Variants in SH3PXD2B observed in about 807,000 individuals in gnomAD.
SH3PXD2B encodes SH3 and PX domain-containing protein 2B.
SH3PXD2B carries 37 observed loss-of-function variants against 73.1 expected under a neutral mutation model. That is an observed-to-expected ratio of 0.51 (90% CI 0.39 to 0.67). The LOEUF (loss-of-function observed/expected upper bound fraction) is 0.67, where lower values mean the gene tolerates loss of function less well. Among genes scored for constraint, SH3PXD2B ranks in the 30% least tolerant of loss-of-function variants. The pLI, the probability that SH3PXD2B is intolerant of heterozygous loss-of-function variation, is 0.00. For synonymous variants in SH3PXD2B, 457 were observed against 480.5 expected (o/e 0.95, Z 0.64); for missense variants, 1,053 against 1,197.8 (o/e 0.88, Z 1.78).
At chr5:172,435,554 G>C (rs1235817547) in intron 1 of SH3PXD2B, among the ~76,000 whole-genome samples, 1 of 151,872 alleles carries the variant, frequency 6.6e-6, no homozygotes, top group Non-Finnish European at 1.5e-5. Context: ...TCCTGAGTAG[G>C]TGGAATTACA....
rs1236831708 is a variant in SH3PXD2B at position 172,348,634 on chromosome 5, CTATG to C, written c.1013-1306_1013-1303del. Among the ~76,000 whole-genome samples, 511 of 67,554 alleles carry C rather than the reference CTATG, an allele frequency of 7.6e-3. 4 individuals are homozygous for C. Among genetic ancestry groups the C allele is most frequent in the East Asian group, 0.027 (61 of 2,290 alleles). 44.3% of individuals were successfully genotyped at this position (67,554 alleles called of 152,430 possible). ...CATCTGAATCTATCTATGTATCTAT[CTATG>C]TATCTATCTATCTATCCTATCTATC... On this transcript the variant is annotated intron_variant, in intron 10 of 12. Coordinates refer to ENST00000311601, the MANE Select transcript of SH3PXD2B (RefSeq NM_001017995.3).
At chr5:172,375,530 G>A (rs941078074) in intron 5 of SH3PXD2B, among the ~76,000 whole-genome samples, 5 of 152,104 alleles carry the variant, frequency 3.3e-5, no homozygotes, top group African/African-American at 1.2e-4. Flanking sequence ...TCCAGGCCTT[G>A]GCAACCACAA....
chr5:172,371,184 G>A (rs374167368), intron 6 of SH3PXD2B, among the ~76,000 whole-genome samples: 1 of 152,068 alleles, frequency 6.6e-6, no homozygotes, highest in East Asian at 1.9e-4. Flanking sequence ...AGGGTAAAGG[G>A]GATTTTCCTT....
At chr5:172,386,080 A>G (rs981152503) in intron 4 of SH3PXD2B, among the ~76,000 whole-genome samples, 1 of 152,172 alleles carries the variant, frequency 6.6e-6, no homozygotes, top group Non-Finnish European at 1.5e-5. Context: ...AGAGGGTAAC[A>G]ATAAAGGTCA....
At position 172,337,672 on chromosome 5, in the gene SH3PXD2B, CG is replaced by C. The variant is rs1756736291; in HGVS notation, c.*696del. On this transcript the variant is annotated 3_prime_UTR_variant, in exon 13 of 13. Coordinates refer to ENST00000311601, the MANE Select transcript of SH3PXD2B (RefSeq NM_001017995.3). The stretch of plus-strand genomic sequence containing the variant: ...CTGCAGCAGCAAAGCGCAGCATACG[CG>C]GGGCTGGAACCACCCTTCAGGGCTG... 1.0e-6 allele frequency: 1 copy of C among 987,312 alleles called. No individual in the cohort carries two copies. The highest frequency in any genetic ancestry group is 4.7e-5 in the South Asian group (1 of 21,380). 61.2% of individuals were successfully genotyped at this position (987,312 alleles called of 1,614,324 possible). A position where few individuals can be genotyped will look rare whatever the true frequency, so the allele number is the denominator to read the frequency against.
chr5:172,417,713 T>C (rs992007650), intron 2 of SH3PXD2B, among the ~76,000 whole-genome samples: 3 of 152,174 alleles, frequency 2.0e-5, no homozygotes, highest in Admixed American at 2.0e-4. Context: ...CCCATGCCCA[T>C]CAATAATCCT....
chr5:172,356,236 A>C (rs1287745411), intron 8 of SH3PXD2B, among the ~76,000 whole-genome samples: 2 of 152,172 alleles, frequency 1.3e-5, no homozygotes, highest in Admixed American at 1.3e-4. Context: ...TCATGAGAGA[A>C]TGGTGCCAAC....
Position 172,354,059 on chromosome 5 carries a change from T to G in SH3PXD2B, c.668-54A>C. On this transcript the variant is annotated intron_variant, in intron 8 of 12. Transcript: ENST00000311601. ...GAAGAGGACACCAAGAGGCTTGGGATGCCGTAATCCCCGTGATGCCCTTGC... is the reference window on the plus strand; with the variant it reads ...GAAGAGGACACCAAGAGGCTTGGGAGGCCGTAATCCCCGTGATGCCCTTGC... 4.6e-6 allele frequency: 7 copies of G among 1,518,794 alleles called. No individual in the cohort carries two copies. The South Asian group carries it at 7.9e-5, about 17-fold the overall frequency. The allele number at this position is 1,518,794 out of a possible 1,614,324, so 94.1% of individuals were successfully genotyped here.
At chr5:172,426,391 C>T (rs1759097205) in intron 1 of SH3PXD2B, among the ~76,000 whole-genome samples, 1 of 152,192 alleles carries the variant, frequency 6.6e-6, no homozygotes, top group African/African-American at 2.4e-5. Context: ...ACCCTTCTCT[C>T]TAAAACAAGG....
At position 172,346,185 on chromosome 5, in the gene SH3PXD2B, T is replaced by G; in HGVS notation, c.1139A>C (p.Gln380Pro). ...GCTGATGCCGTCTGGGATGGTTGTCTGGAATTCGGCGATGGTGTAATACTC... is the reference window on the plus strand; with the variant it reads ...GCTGATGCCGTCTGGGATGGTTGTCGGGAATTCGGCGATGGTGTAATACTC... ...EEEYYTIAEF[Q>P]TTIPDGISFQ... Residue 380 changes from glutamine (Q) to proline (P), a missense_variant, in exon 12 of 13, where the codon CAG becomes CCG. By Grantham distance (76) the Gln-to-Pro change is moderately conservative (BLOSUM62 -1). This residue lies in a region of SH3PXD2B where 466 missense variants were observed against 607.1 expected (regional missense o/e 0.77). Transcript: ENST00000311601. The G allele has an allele frequency of 3.1e-6, 5 of 1,614,154 alleles. No individual in the cohort carries two copies. The highest frequency in any genetic ancestry group is 4.2e-6 in the Non-Finnish European group (5 of 1,180,022).
intron 5 of SH3PXD2B, among the ~76,000 whole-genome samples, chr5:172,374,888 C>T (rs1757790226): frequency 6.6e-6 from 1 of 152,136 alleles, no homozygotes; most frequent in African/African-American, 2.4e-5. Flanking sequence ...TTCACTCATT[C>T]AATACTCACA....
In SH3PXD2B at chr5:172,362,765, C is replaced by G; in HGVS notation, c.532G>C (p.Val178Leu). ...TCATTCTTCTCGATGATGTCCACCACCTGCCCCACGCTGAGGCTGATCTCC... is the reference window on the plus strand; with the variant it reads ...TCATTCTTCTCGATGATGTCCACCAGCTGCCCCACGCTGAGGCTGATCTCC... ...SSEISLSVGQ[V>L]VDIIEKNESG... Residue 178 changes from valine to leucine, a missense_variant, in exon 7 of 13, where the codon GTG becomes CTG. By Grantham distance (32) the Val-to-Leu change is conservative (BLOSUM62 1). Transcript: ENST00000311601. 6.2e-7 allele frequency: 1 copy of G among 1,614,130 alleles called. No individual in the cohort carries two copies. Among genetic ancestry groups the G allele is most frequent in the Non-Finnish European group, 8.5e-7 (1 of 1,180,014 alleles).
At chr5:172,376,030 CTTTT>C (rs371476674) in intron 5 of SH3PXD2B, among the ~76,000 whole-genome samples, 5 of 136,134 alleles carry the variant, frequency 3.7e-5, no homozygotes, top group East Asian at 2.1e-4. Context: ...CATGTATCTT[CTTTT>C]TTTTTTTTTT....
chr5:172,416,606 G>A (rs1758825012), intron 2 of SH3PXD2B, among the ~76,000 whole-genome samples: 1 of 148,652 alleles, frequency 6.7e-6, no homozygotes, highest in Non-Finnish European at 1.5e-5. Flanking sequence ...GATTACAGGC[G>A]TGAGCCACTG....
intron 4 of SH3PXD2B, among the ~76,000 whole-genome samples, chr5:172,389,905 TGG>T (rs200424042): frequency 0.012 from 1,818 of 152,142 alleles, 40 homozygotes; most frequent in African/African-American, 0.041. Context: ...TTTGTAGAGA[TGG>T]GGGTCTCACT....
At chr5:172,358,684 AAAG>A (rs1757332866) in intron 8 of SH3PXD2B, 86 bp downstream of exon 8, 3 of 1,227,322 alleles carry the variant, frequency 2.4e-6, no homozygotes, top group Non-Finnish European at 2.3e-6. Context: ...GCAGAGGCCA[AAAG>A]AAGAGATTGG....
chr5:172,435,630 A>AC (rs1252234172), intron 1 of SH3PXD2B, among the ~76,000 whole-genome samples: 9 of 152,100 alleles, frequency 5.9e-5, no homozygotes, highest in Non-Finnish European at 1.2e-4. Flanking sequence ...CAGTATGCTG[A>AC]CCAGCATGGT....
At chr5:172,361,721 T>C (rs2731710) in intron 7 of SH3PXD2B, among the ~76,000 whole-genome samples, 67,270 of 151,962 alleles carry the variant, frequency 0.44, 15,318 homozygotes, top group East Asian at 0.68. Flanking sequence ...GTGACTGAGT[T>C]ATTTGGAGTC....
At chr5:172,388,114 C>T (rs1478688336) in intron 4 of SH3PXD2B, among the ~76,000 whole-genome samples, 1 of 152,150 alleles carries the variant, frequency 6.6e-6, no homozygotes, top group Non-Finnish European at 1.5e-5. Context: ...CTATTTGTTT[C>T]AAGAGTCTGT....
Sources: allele counts gnomAD v4.1 joint callset (sites outside exome capture counted in the v4.1 genomes callset), GRCh38; gene constraint gnomAD v4.1.1; regional missense constraint gnomAD v4.1.1; transcripts MANE v1.5; gene names NCBI Gene and HGNC (gene_info 2026-07-23, HGNC 2026-07-21).